DIAPH2: variants seen among roughly 807,000 people sequenced by gnomAD.
DIAPH2 encodes protein diaphanous homolog 2.
DIAPH2 carries 35 observed loss-of-function variants against 92.7 expected under a neutral mutation model. The ratio of observed to expected loss-of-function variants is 0.38; its 90% CI spans 0.29 to 0.50. The LOEUF is 0.50. Among genes scored for constraint, DIAPH2 ranks in the 20% least tolerant of loss-of-function variants. The pLI is 0.94. For missense variants in DIAPH2, 701 were observed against 819.5 expected, an observed-to-expected ratio of 0.86 and a Z score of 1.77; for synonymous variants, 301 against 280.4, an observed-to-expected ratio of 1.07 and a Z score of -0.73.
intron 22 of DIAPH2, among the ~76,000 whole-genome samples, chrX:97,185,405 A>G (rs56147333): frequency 5.6e-5 from 3 of 53,633 alleles, no homozygotes; most frequent in African/African-American, 3.1e-4. Context: ...GTATATATAT[A>G]TATATGTATA....
chrX:96,792,561 G>T (rs2064509064), intron 4 of DIAPH2, among the ~76,000 whole-genome samples: 1 of 112,267 alleles, frequency 8.9e-6, no homozygotes, highest in African/African-American at 3.2e-5. Context: ...CTTTTCTTGT[G>T]AAATATGTCC....
At chrX:97,266,309 G>A (rs1016035643) in intron 23 of DIAPH2, among the ~76,000 whole-genome samples, 2 of 112,060 alleles carry the variant, frequency 1.8e-5, no homozygotes, top group East Asian at 2.8e-4. Flanking sequence ...GAAGGAACAA[G>A]TACTGGCTAT....
intron 17 of DIAPH2, among the ~76,000 whole-genome samples, chrX:97,048,743 AT>A (rs1288217973): frequency 9.0e-6 from 1 of 110,842 alleles, no homozygotes; most frequent in African/African-American, 3.3e-5. Context: ...CTCATCTATT[AT>A]TTTTACTTAT....
At chrX:96,864,679 G>T (rs1316844072) in intron 4 of DIAPH2, among the ~76,000 whole-genome samples, 1 of 111,722 alleles carries the variant, frequency 9.0e-6, no homozygotes, top group African/African-American at 3.3e-5. Context: ...TTTTTTGTAA[G>T]TTCTGTATCT....
At chrX:96,721,145 C>T (rs908654374) in intron 1 of DIAPH2, among the ~76,000 whole-genome samples, 1 of 111,628 alleles carries the variant, frequency 9.0e-6, no homozygotes, top group Admixed American at 9.5e-5. Context: ...ACTCATTTTG[C>T]ATGTTGCTGG....
intron 26 of DIAPH2, among the ~76,000 whole-genome samples, chrX:97,568,139 A>G (rs1192758998): frequency 9.8e-6 from 1 of 101,619 alleles, no homozygotes; most frequent in Non-Finnish European, 2.1e-5. Flanking sequence ...AAAAAAAAAA[A>G]GAGTGGTTGG....
At chrX:96,768,319 G>A (rs1298504211) in intron 4 of DIAPH2, among the ~76,000 whole-genome samples, 3 of 111,885 alleles carry the variant, frequency 2.7e-5, no homozygotes, top group African/African-American at 6.5e-5. Flanking sequence ...CATTTGTCTC[G>A]TCATCAGAAG....
intron 17 of DIAPH2, among the ~76,000 whole-genome samples, chrX:97,019,973 T>G (rs1183301625): frequency 8.9e-6 from 1 of 112,465 alleles, no homozygotes; most frequent in Non-Finnish European, 1.9e-5. Context: ...TCCTGTATTT[T>G]AAATCTACCT....
intron 24 of DIAPH2, among the ~76,000 whole-genome samples, chrX:97,372,243 G>A (rs1219281930): frequency 1.8e-5 from 2 of 111,691 alleles, no homozygotes; most frequent in African/African-American, 6.5e-5. Flanking sequence ...CTTCATTATC[G>A]GTGCATGACC....
chrX:97,492,399 C>CA (rs1206537814), intron 26 of DIAPH2, among the ~76,000 whole-genome samples: 1 of 111,103 alleles, frequency 9.0e-6, no homozygotes, highest in African/African-American at 3.3e-5. Context: ...CTAGCCTAGG[C>CA]AATAGGAATG....
intron 26 of DIAPH2, among the ~76,000 whole-genome samples, chrX:97,449,854 A>C (rs745427332): frequency 2.7e-5 from 3 of 111,595 alleles, no homozygotes; most frequent in Non-Finnish European, 5.6e-5. Context: ...ATAATGCTGT[A>C]TGTCTTACAT....
chrX:97,253,103 A>G (rs1418006236), intron 23 of DIAPH2, among the ~76,000 whole-genome samples: 1 of 110,002 alleles, frequency 9.1e-6, no homozygotes, highest in East Asian at 2.8e-4. Context: ...AGCCTGGCCA[A>G]CATGGTAAAA....
intron 5 of DIAPH2, among the ~76,000 whole-genome samples, chrX:96,888,661 A>G (rs2065286538): frequency 9.7e-6 from 1 of 102,722 alleles, no homozygotes; most frequent in East Asian, 2.9e-4. Context: ...ATTACCATGT[A>G]TATACAGATA....
chrX:97,496,727 C>T (rs1453412133), intron 26 of DIAPH2, among the ~76,000 whole-genome samples: 2 of 95,615 alleles, frequency 2.1e-5, no homozygotes, highest in Non-Finnish European at 4.2e-5. Flanking sequence ...TAGCACTCAC[C>T]ATGTCTCACC....
chrX:97,327,632 G>T (rs1020913181), intron 23 of DIAPH2, among the ~76,000 whole-genome samples: 24 of 111,686 alleles, frequency 2.1e-4, no homozygotes, highest in Admixed American at 1.9e-4. Flanking sequence ...TAGAGACAGG[G>T]TTTCGCCATG....
At chrX:97,208,873 T>A (rs781356686) in intron 22 of DIAPH2, among the ~76,000 whole-genome samples, 18 of 110,764 alleles carry the variant, frequency 1.6e-4, no homozygotes, top group South Asian at 1.5e-3. Flanking sequence ...TGAGGGGTTT[T>A]TTTTTGGTCA....
intron 5 of DIAPH2, among the ~76,000 whole-genome samples, chrX:96,894,041 C>T (rs1299352580): frequency 1.8e-5 from 2 of 111,393 alleles, no homozygotes; most frequent in Admixed American, 9.6e-5. Context: ...TAGAAGATAA[C>T]ATAATGTTAT....
At chrX:96,773,661 G>A (rs1368865578) in intron 4 of DIAPH2, among the ~76,000 whole-genome samples, 1 of 110,914 alleles carries the variant, frequency 9.0e-6, no homozygotes, top group African/African-American at 3.3e-5. Context: ...ACCAGCCTGG[G>A]CAGCGTGGCA....
chrX:97,077,395 T>C (rs190021400), intron 19 of DIAPH2, among the ~76,000 whole-genome samples: 1 of 112,714 alleles, frequency 8.9e-6, no homozygotes, highest in African/African-American at 3.2e-5. Flanking sequence ...ATGTAGCACA[T>C]CGATAATGCA....
Sources: allele counts gnomAD v4.1 joint callset (sites outside exome capture counted in the v4.1 genomes callset), GRCh38; gene constraint gnomAD v4.1.1; transcripts MANE v1.5; gene names NCBI Gene and HGNC (gene_info 2026-07-23, HGNC 2026-07-21).